Variants in AURKA observed in about 807,000 individuals in gnomAD.
AURKA encodes aurora kinase A, also known as aurora 2.
Under a neutral mutation model 40.9 loss-of-function variants are expected in AURKA, and 12 were observed. The ratio of observed to expected loss-of-function variants is 0.29; its 90% CI spans 0.19 to 0.48. The LOEUF is 0.48. Among genes scored for constraint, AURKA ranks in the 20% least tolerant of loss-of-function variants. AURKA has a pLI of 0.99. For synonymous variants in AURKA, 170 were observed against 164.3 expected (o/e 1.03, Z -0.26); for missense variants, 322 against 462.1 (o/e 0.70, Z 2.78).
intron 6 of AURKA, among the ~76,000 whole-genome samples, chr20:56,379,855 C>G (rs906484958): frequency 2.0e-5 from 3 of 151,070 alleles, no homozygotes; most frequent in Non-Finnish European, 4.4e-5. Context: ...CCTAGCTACT[C>G]AGGAGGCTGA....
intron 1 of AURKA, among the ~76,000 whole-genome samples, chr20:56,389,253 T>A (rs1317172315): frequency 2.0e-5 from 3 of 152,098 alleles, no homozygotes; most frequent in Non-Finnish European, 4.4e-5. Flanking sequence ...CAGGGATCCA[T>A]ATCACCCAGT....
chr20:56,381,613 C>A lies in AURKA; in HGVS notation c.567-42G>T, dbSNP rs1199438829. ...ACATTCTAACACTTGGTTTGGAGCT[C>A]ACAGAAGACTATGTACAAAATGTCA... On this transcript the variant is annotated intron_variant, in intron 5 of 8. Coordinates refer to ENST00000395915, the MANE Select transcript of AURKA (RefSeq NM_198437.3). 3 of 1,609,582 alleles carry A rather than the reference C, an allele frequency of 1.9e-6. No individual in the cohort carries two copies. The South Asian group carries it at 3.3e-5, about 18-fold the overall frequency.
At chr20:56,381,353 T>C in intron 6 of AURKA, 80 bp downstream of exon 6, 1 of 1,564,634 alleles carries the variant, frequency 6.4e-7, no homozygotes, top group East Asian at 2.3e-5. Context: ...AAACCCACTC[T>C]ACTATGATGA....
intron 4 of AURKA, 77 bp downstream of exon 4, chr20:56,384,185 TCCCCAGAG>T: frequency 9.4e-7 from 1 of 1,060,934 alleles, no homozygotes; most frequent in South Asian, 1.4e-5. Context: ...CTCATTTTTT[TCCCCAGAG>T]TTCCCACAAC....
intron 2 of AURKA, among the ~76,000 whole-genome samples, chr20:56,387,223 G>T (rs574129255): frequency 6.6e-6 from 1 of 152,006 alleles, no homozygotes; most frequent in Non-Finnish European, 1.5e-5. Flanking sequence ...GCATGATCTC[G>T]GCTCACTGCA....
rs1983809109 is a variant in AURKA at position 56,369,514 on chromosome 20, C to G, written c.*644G>C. On this transcript the variant is annotated 3_prime_UTR_variant, in exon 9 of 9. Transcript: ENST00000395915. Reference sequence around the variant, plus strand: ...CCTCTTCTGTATCCCAAGCAAATCCCTAAATGGAGGTAGAGCACGTGTTCC... The same window carrying G: ...CCTCTTCTGTATCCCAAGCAAATCCGTAAATGGAGGTAGAGCACGTGTTCC... 1 of 241,842 alleles carries G rather than the reference C, an allele frequency of 4.1e-6. No individual in the cohort carries two copies. Among genetic ancestry groups the G allele is most frequent in the African/African-American group, 2.2e-5 (1 of 45,356 alleles). The allele number at this position is 241,842 out of a possible 1,614,324, so 15.0% of individuals were successfully genotyped here.
chr20:56,373,631 A>G lies in AURKA; in HGVS notation c.706-75T>C. On this transcript the variant is annotated intron_variant, in intron 6 of 8. Transcript: ENST00000395915. This position sits in a 1 kb window ranked among gnomAD's most constrained non-coding sequence, Gnocchi z 5.0. ...GTTAATATTAGACATCTCTTCCGAA[A>G]GGAACACAACATAGATTTAACATGG... The G allele has an allele frequency of 6.5e-7, 1 of 1,540,362 alleles. No homozygotes were observed.
At chr20:56,371,933 A>G (rs1984289701) in intron 7 of AURKA, among the ~76,000 whole-genome samples, 1 of 152,226 alleles carries the variant, frequency 6.6e-6, no homozygotes, top group Non-Finnish European at 1.5e-5. Context: ...TCAAGTGTTC[A>G]CTAAAAAAGC....
rs766576042 is a variant in AURKA at position 56,370,221 on chromosome 20, G to T, written c.1149C>A (p.Ile383=). ...TTGATGGTTTTGATGAATTTGCTGT[G>T]ATCCAGGGGTGTTCAAGTACTTCTC... ...MLREVLEHPW[I]TANSSKPSNC... is the part of the protein sequence containing the mutation. Residue 383 remains isoleucine, a synonymous_variant, in exon 9 of 9, where the codon ATC becomes ATA. Coordinates refer to ENST00000395915, the MANE Select transcript of AURKA (RefSeq NM_198437.3). 47 of 1,613,892 alleles carry T rather than the reference G, an allele frequency of 2.9e-5. No homozygotes were observed. The East Asian group carries it at 1.0e-3, about 35-fold the overall frequency.
intron 6 of AURKA, among the ~76,000 whole-genome samples, chr20:56,374,050 C>T (rs1230495761): frequency 2.7e-5 from 4 of 149,052 alleles, no homozygotes; most frequent in East Asian, 2.0e-4. Context: ...CACACACACA[C>T]ATCAACTGAA....
chr20:56,382,446 T>C (rs1372295016), intron 5 of AURKA, among the ~76,000 whole-genome samples: 1 of 151,858 alleles, frequency 6.6e-6, no homozygotes, highest in Non-Finnish European at 1.5e-5. Flanking sequence ...TGAAAAACAC[T>C]GAAAGAAAAA....
chr20:56,391,090 A>C (rs16979865), intron 1 of AURKA, among the ~76,000 whole-genome samples: 11,552 of 152,336 alleles, frequency 0.076, 502 homozygotes, highest in Middle Eastern at 0.12. Flanking sequence ...TTGAAGAACC[A>C]GATGACTTTC....
In AURKA at chr20:56,369,949, G is replaced by A. The variant is rs915789900; in HGVS notation, c.*209C>T. 48 of 670,004 alleles carry A rather than the reference G, an allele frequency of 7.2e-5. No homozygotes were observed. The highest frequency in any genetic ancestry group is 1.0e-4 in the Non-Finnish European group (38 of 378,408). The allele number at this position is 670,004 out of a possible 1,614,324, so 41.5% of individuals were successfully genotyped here. ...AACCAGTATAAGTAGCACAATTCTC[G>A]TGGCTACTTTCACTTCAGAGTGTCA... On this transcript the variant is annotated 3_prime_UTR_variant, in exon 9 of 9. Transcript: ENST00000395915.
At chr20:56,386,633 T>A in intron 2 of AURKA, 100 bp from the exon 3 acceptor site, 1 of 1,293,154 alleles carries the variant, frequency 7.7e-7, no homozygotes, top group Non-Finnish European at 1.1e-6. Flanking sequence ...AGCAAAATAA[T>A]GAATGTCACT....
intron 1 of AURKA, among the ~76,000 whole-genome samples, chr20:56,390,288 T>G (rs6099128): frequency 0.13 from 19,247 of 151,398 alleles, 1,284 homozygotes; most frequent in South Asian, 0.2. Flanking sequence ...TGTAGTTCAG[T>G]CTTTCATTTC....
intron 6 of AURKA, among the ~76,000 whole-genome samples, chr20:56,375,842 TC>T (rs1388700130): frequency 6.6e-6 from 1 of 152,222 alleles, no homozygotes; most frequent in Non-Finnish European, 1.5e-5. Flanking sequence ...CACTGCCACT[TC>T]CTCCACACCT....
At chr20:56,388,405 C>A in intron 1 of AURKA, 2 of 607,652 alleles carry the variant, frequency 3.3e-6, no homozygotes, top group Non-Finnish European at 5.9e-6. Flanking sequence ...GCACTGCGTC[C>A]CATCCTCTGT....
intron 6 of AURKA, among the ~76,000 whole-genome samples, chr20:56,381,104 T>TA (rs998592871): frequency 6.6e-5 from 10 of 151,600 alleles, no homozygotes; most frequent in African/African-American, 2.2e-4. Flanking sequence ...CCTGTCCCTT[T>TA]AAAAAAAATA....
intron 2 of AURKA, among the ~76,000 whole-genome samples, chr20:56,387,794 C>T (rs548339717): frequency 2.0e-5 from 3 of 152,186 alleles, no homozygotes; most frequent in Admixed American, 6.5e-5. Flanking sequence ...TTTAAATGGC[C>T]GTTATCATAG....
Sources: gnomAD v4.1 joint callset for allele counts (sites outside exome capture counted in the v4.1 genomes callset) on GRCh38, gnomAD v4.1.1 for gene constraint, Gnocchi (gnomAD v3.1) non-coding constraint, MANE v1.5 for transcripts, NCBI Gene and HGNC (gene_info 2026-07-23, HGNC 2026-07-21) for gene names.